Variants in TIAM1 observed in about 807,000 individuals in gnomAD.
TIAM1 encodes rho guanine nucleotide exchange factor TIAM1.
A neutral mutation model predicts 163.5 loss-of-function variants in TIAM1; 65 were observed. That is an observed-to-expected ratio of 0.40 (90% CI 0.33 to 0.49). The LOEUF (loss-of-function observed/expected upper bound fraction) is 0.49. Ranked by LOEUF, TIAM1 falls within the 20% of genes least tolerant of loss-of-function variation. TIAM1 has a pLI of 0.77. For synonymous variants in TIAM1, 833 were observed against 810.1 expected, an observed-to-expected ratio of 1.03 and a Z score of -0.48; for missense variants, 1,789 against 2,044.7, an observed-to-expected ratio of 0.87 and a Z score of 2.41.
At position 31,463,437 on chromosome 21, in the gene TIAM1, C is replaced by T. The variant is rs117119488; in HGVS notation, c.-369+546G>A. 9.2e-3 allele frequency among the ~76,000 whole-genome samples: 1,408 copies of T among 152,298 alleles called. 18 individuals are homozygous for T. Among genetic ancestry groups the T allele is most frequent in the South Asian group, 0.046 (221 of 4,826 alleles). ...AGCCCATTGCCAGTACCAGCTACATCGCCAGCACCCTCATCACTGTCACCT... is the reference window on the plus strand; with the variant it reads ...AGCCCATTGCCAGTACCAGCTACATTGCCAGCACCCTCATCACTGTCACCT... On this transcript the variant is annotated intron_variant, in intron 2 of 28. Transcript: ENST00000286827.
At chr21:31,452,466 A>T (rs497689) in intron 2 of TIAM1, 248,555 of 497,428 alleles carry the variant, frequency 0.5, 64,707 homozygotes, top group Non-Finnish European at 0.55. Flanking sequence ...TATAAGCGCC[A>T]TGGCTATGAC....
chr21:31,327,012 C>T (rs536369166), intron 2 of TIAM1, among the ~76,000 whole-genome samples: 7 of 152,164 alleles, frequency 4.6e-5, no homozygotes, highest in Non-Finnish European at 7.3e-5. Flanking sequence ...GTGTTCCGGC[C>T]GCGATTTAAC....
At chr21:31,240,780 C>G (rs1390429069) in intron 6 of TIAM1, among the ~76,000 whole-genome samples, 2 of 152,004 alleles carry the variant, frequency 1.3e-5, no homozygotes, top group Non-Finnish European at 2.9e-5. Context: ...GACCAAGAAA[C>G]TTGAGGAAAA....
At chr21:31,158,689 T>C (rs139346064) in intron 16 of TIAM1, among the ~76,000 whole-genome samples, 2,256 of 152,220 alleles carry the variant, frequency 0.015, 51 homozygotes, top group African/African-American at 0.05. Flanking sequence ...CCCCCAAATT[T>C]TTTTTGGAAG....
intron 2 of TIAM1, among the ~76,000 whole-genome samples, chr21:31,388,244 CACACACACACACACA>C (rs749382933): frequency 0.11 from 13,429 of 123,486 alleles, 671 homozygotes; most frequent in Middle Eastern, 0.15. Flanking sequence ...CACACACACA[CACACACACACACACA>C]ACCTCTTACG....
At chr21:31,480,349 A>C (rs2046072214) in intron 1 of TIAM1, among the ~76,000 whole-genome samples, 1 of 152,190 alleles carries the variant, frequency 6.6e-6, no homozygotes, top group Non-Finnish European at 1.5e-5. Context: ...TGACATCCAC[A>C]TGTCACTATG....
chr21:31,126,006 T>C lies in TIAM1; in HGVS notation c.4133+1059A>G, dbSNP rs2082184085. ...TTGCAGTTTTTGCCATTAAAAGTAA[T>C]GGCACTTTTAATTACTTTTAATGGT... On this transcript the variant is annotated intron_variant, in intron 26 of 27. Coordinates refer to ENST00000541036, the MANE Select transcript of TIAM1 (RefSeq NM_001353694.2). Among the ~76,000 whole-genome samples the C allele has an allele frequency of 2.0e-5, 3 of 152,336 alleles. No individual in the cohort carries two copies. In the South Asian group the frequency reaches 6.2e-4, roughly 32 times the overall value.
At chr21:31,413,516 C>T (rs528882400) in intron 2 of TIAM1, among the ~76,000 whole-genome samples, 20 of 151,956 alleles carry the variant, frequency 1.3e-4, no homozygotes, top group African/African-American at 4.6e-4. Flanking sequence ...GTGATCCACC[C>T]GCCCCGGCCT....
intron 14 of TIAM1, among the ~76,000 whole-genome samples, chr21:31,186,453 A>G (rs1327364871): frequency 2.0e-5 from 3 of 152,148 alleles, no homozygotes; most frequent in African/African-American, 7.2e-5. Flanking sequence ...AAGGACGACC[A>G]CATGATTAGA....
rs2075391560 is a variant in TIAM1 at position 31,323,698 on chromosome 21, G to A, written c.-189+15545C>T. ...ATAAAAAAATTAGCTGGGTATGGTG[G>A]TGCGGGCCTGTAATCCCAGCTACTT... is the stretch of plus-strand genomic sequence containing the variant. On this transcript the variant is annotated intron_variant, in intron 2 of 27. Coordinates refer to ENST00000541036, the MANE Select transcript of TIAM1 (RefSeq NM_001353694.2). Among the ~76,000 whole-genome samples the A allele has an allele frequency of 2.0e-5, 3 of 152,192 alleles. No individual in the cohort carries two copies. The South Asian group carries it at 6.2e-4, about 32-fold the overall frequency.
chr21:31,228,220 T>TAAA (rs71191197), intron 6 of TIAM1, among the ~76,000 whole-genome samples: 3 of 16,258 alleles, frequency 1.8e-4, no homozygotes, highest in Non-Finnish European at 3.8e-4. Context: ...CTCCTTTTTT[T>TAAA]AAAAAAAAAA....
chr21:31,538,368 C>A (rs989428671), intron 1 of TIAM1, among the ~76,000 whole-genome samples: 6 of 152,170 alleles, frequency 3.9e-5, no homozygotes, highest in Non-Finnish European at 8.8e-5. Context: ...CACAGTGAGA[C>A]CCTGTCTCTA....
upstream of TIAM1, among the ~76,000 whole-genome samples, chr21:31,348,835 G>C (rs2076190297): frequency 6.6e-6 from 1 of 152,190 alleles, no homozygotes; most frequent in South Asian, 2.1e-4. Flanking sequence ...AATTTGATTT[G>C]ATACAAGAAT....
intron 10 of TIAM1, among the ~76,000 whole-genome samples, chr21:31,212,382 C>T (rs538142881): frequency 1.3e-3 from 204 of 152,154 alleles, no homozygotes; most frequent in African/African-American, 4.7e-3. Flanking sequence ...ACCAGAGGAT[C>T]CCACCAAGGT....
At chr21:31,542,924 C>T (rs931707865) in intron 1 of TIAM1, among the ~76,000 whole-genome samples, 3 of 151,950 alleles carry the variant, frequency 2.0e-5, no homozygotes, top group African/African-American at 7.3e-5. Context: ...GCCGAGACTG[C>T]GCCACGGAAC....
intron 2 of TIAM1, among the ~76,000 whole-genome samples, chr21:31,448,352 C>A (rs993852056): frequency 3.3e-5 from 5 of 152,116 alleles, no homozygotes; most frequent in African/African-American, 1.2e-4. Flanking sequence ...TGCCTGTAAT[C>A]CCAGTATTTT....
At chr21:31,234,650 G>A (rs1342508469) in intron 6 of TIAM1, among the ~76,000 whole-genome samples, 1 of 151,978 alleles carries the variant, frequency 6.6e-6, no homozygotes, top group Non-Finnish European at 1.5e-5. Flanking sequence ...GCATGGTGGT[G>A]TGCACCTGTC....
intron 10 of TIAM1, among the ~76,000 whole-genome samples, chr21:31,210,557 A>G (rs1016214811): frequency 2.6e-5 from 3 of 115,612 alleles, no homozygotes; most frequent in African/African-American, 1.3e-4. Flanking sequence ...AAAGAAAGAA[A>G]GAAAGAAAGA....
At chr21:31,461,437 T>G (rs2045323185) in intron 2 of TIAM1, among the ~76,000 whole-genome samples, 1 of 151,958 alleles carries the variant, frequency 6.6e-6, no homozygotes, top group Non-Finnish European at 1.5e-5. Flanking sequence ...TAAACTGAGA[T>G]CACGCCACTG....
Sources: gnomAD v4.1 joint callset for allele counts (sites outside exome capture counted in the v4.1 genomes callset) on GRCh38, gnomAD v4.1.1 for gene constraint, MANE v1.5 for transcripts, NCBI Gene and HGNC (gene_info 2026-07-23, HGNC 2026-07-21) for gene names.